The following PSEN2 variants were observed in gnomAD, a reference collection of about 807,000 sequenced individuals.
PSEN2 encodes the protein presenilin 2.
A neutral mutation model predicts 49.1 loss-of-function variants in PSEN2; 32 were observed. That is an observed-to-expected ratio of 0.65 (90% CI 0.49 to 0.88). The LOEUF (loss-of-function observed/expected upper bound fraction) is 0.88, where lower values mean the gene tolerates loss of function less well. Ranked by LOEUF, PSEN2 falls within the 40% of genes least tolerant of loss-of-function variation. PSEN2 has a pLI of 0.00. For missense variants in PSEN2, 522 were observed against 586.9 expected, an observed-to-expected ratio of 0.89 and a Z score of 1.14; for synonymous variants, 255 against 244.0, an observed-to-expected ratio of 1.05 and a Z score of -0.42.
chr1:226,895,684 TA>T lies in PSEN2; in HGVS notation c.*111del. On this transcript the variant is annotated 3_prime_UTR_variant, in exon 13 of 13. Coordinates refer to ENST00000366783, the MANE Select transcript of PSEN2 (RefSeq NM_000447.3). ...TATATTTTTAAGACTTTTCTTTCCT[TA>T]AAAAATAAAGTACGTGTTTACTTGG... 9 of 1,363,806 alleles carry T rather than the reference TA, an allele frequency of 6.6e-6. No homozygotes were observed. Among genetic ancestry groups the T allele is most frequent in the Non-Finnish European group, 9.1e-6 (9 of 990,804 alleles). 84.5% of individuals were successfully genotyped at this position (1,363,806 alleles called of 1,614,324 possible). A position where few individuals can be genotyped will look rare whatever the true frequency, so the allele number is the denominator to read the frequency against.
chr1:226,883,939 GGA>G lies in PSEN2; in HGVS notation c.356+22_356+23del. The stretch of plus-strand genomic sequence containing the variant: ...ACAGCTGTGAGTTGGGGGGCTGGGG[GGA>G]GCAGGGTGGGGTGAGGGCTGAGTTG... On this transcript the variant is annotated intron_variant, in intron 5 of 12. Coordinates refer to ENST00000366783, the MANE Select transcript of PSEN2 (RefSeq NM_000447.3). The G allele has an allele frequency of 6.3e-7, 1 of 1,575,468 alleles. No homozygotes were observed. The highest frequency in any genetic ancestry group is 8.7e-7 in the Non-Finnish European group (1 of 1,150,174).
At position 226,880,391 on chromosome 1, in the gene PSEN2, A is replaced by G. The variant is rs548028652; in HGVS notation, c.-20-1497A>G. On this transcript the variant is annotated intron_variant, in intron 3 of 12. Coordinates refer to ENST00000366783, the MANE Select transcript of PSEN2 (RefSeq NM_000447.3). The stretch of plus-strand genomic sequence containing the variant: ...ACCCTGTCTCTAGAAATAAAAATAA[A>G]AAAAATCACATATATTGTGGGGTGA... The G allele has an allele frequency of 1.0e-5, 8 of 778,592 alleles. No individual in the cohort carries two copies. In the East Asian group the frequency reaches 2.9e-4, roughly 29 times the overall value. 48.2% of individuals were successfully genotyped at this position (778,592 alleles called of 1,614,324 possible). A position where few individuals can be genotyped will look rare whatever the true frequency, so the allele number is the denominator to read the frequency against.
Position 226,888,810 on chromosome 1 carries a change from C to T in PSEN2, c.567-19C>T. 1 of 1,606,094 alleles carries T rather than the reference C, an allele frequency of 6.2e-7. No individual in the cohort carries two copies. The highest frequency in any genetic ancestry group is 8.5e-7 in the Non-Finnish European group (1 of 1,172,590). Reference sequence around the variant, plus strand: ...GCCTCCACTGAGTCCCAGTCACAGGCTCCACCTTGGTCCTGCAGGGAAGTG... The same window carrying T: ...GCCTCCACTGAGTCCCAGTCACAGGTTCCACCTTGGTCCTGCAGGGAAGTG... On this transcript the variant is annotated intron_variant, in intron 7 of 12. Coordinates refer to ENST00000366783, the MANE Select transcript of PSEN2 (RefSeq NM_000447.3).
chr1:226,879,818 G>T (rs1171763140), intron 3 of PSEN2, among the ~76,000 whole-genome samples: 1 of 152,194 alleles, frequency 6.6e-6, no homozygotes, highest in Non-Finnish European at 1.5e-5. Context: ...TCCCGCTGTT[G>T]TTACTCCTGT....
In PSEN2 at chr1:226,894,002, C is replaced by CG; in HGVS notation, c.1073-5_1073-4insG. The CG allele has an allele frequency of 6.2e-7, 1 of 1,611,804 alleles. No homozygotes were observed. Among genetic ancestry groups the CG allele is most frequent in the Non-Finnish European group, 8.5e-7 (1 of 1,177,798 alleles). ...CAGTACGGGTTACTGTCTCTCCTCA[C>CG]ACAGGGGGCGTGAAGCTTGGCCTCG... On this transcript the variant is annotated splice_polypyrimidine_tract_variant and splice_region_variant and intron_variant, in intron 11 of 12. Transcript: ENST00000366783.
Position 226,888,935 on chromosome 1 carries a change from C to G in PSEN2, c.673C>G (p.Leu225Val), listed in dbSNP as rs1412078378. 3 of 1,614,174 alleles carry G rather than the reference C, an allele frequency of 1.9e-6. No individual in the cohort carries two copies. The South Asian group carries it at 3.3e-5, about 18-fold the overall frequency. Residue 225 changes from leucine (L) to valine (V), a missense_variant, in exon 8 of 13, where the codon CTG becomes GTG. Transcript: ENST00000366783. ...GMVCIHWKGP[L>V]VLQQAYLIMI... is the part of the protein sequence containing the mutation. ...GGTGTGCATCCACTGGAAGGGCCCTCTGGTGCTGCAGCAGGCCTACCTCAT... is the reference window on the plus strand; with the variant it reads ...GGTGTGCATCCACTGGAAGGGCCCTGTGGTGCTGCAGCAGGCCTACCTCAT...
chr1:226,894,005 A>C lies in PSEN2; in HGVS notation c.1073-2A>C. 1.2e-6 allele frequency: 2 copies of C among 1,610,814 alleles called. No homozygotes were observed. The highest frequency in any genetic ancestry group is 1.3e-5 in the African/African-American group (1 of 74,954). The stretch of plus-strand genomic sequence containing the variant: ...TACGGGTTACTGTCTCTCCTCACAC[A>C]GGGGGCGTGAAGCTTGGCCTCGGGG... On this transcript the variant is annotated splice_acceptor_variant, in intron 11 of 12. Coordinates refer to ENST00000366783, the MANE Select transcript of PSEN2 (RefSeq NM_000447.3). LOFTEE classifies it high-confidence loss of function.
At chr1:226,887,951 C>A in intron 6 of PSEN2, 140 bp from the exon 7 acceptor site, 8 of 748,216 alleles carry the variant, frequency 1.1e-5, no homozygotes, top group South Asian at 2.9e-5. Flanking sequence ...TGTAAGGTGG[C>A]CACCTGATCC....
Position 226,889,954 on chromosome 1 carries a change from G to A in PSEN2, c.788-81G>A, listed in dbSNP as rs549584436. ...AAGGCATGCTCTGAGAGCTCCACCCGGGGCTCCTGTGCTACAGGGCAGGCT... is the reference window on the plus strand; with the variant it reads ...AAGGCATGCTCTGAGAGCTCCACCCAGGGCTCCTGTGCTACAGGGCAGGCT... On this transcript the variant is annotated intron_variant, in intron 8 of 12. Transcript: ENST00000366783. The A allele has an allele frequency of 1.7e-4, 187 of 1,114,070 alleles. No individual in the cohort carries two copies. The African/African-American group carries it at 2.5e-3, about 15-fold the overall frequency. 69.0% of individuals were successfully genotyped at this position (1,114,070 alleles called of 1,614,324 possible).
intron 3 of PSEN2, among the ~76,000 whole-genome samples, chr1:226,876,534 C>T (rs573064271): frequency 2.6e-5 from 4 of 152,194 alleles, no homozygotes; most frequent in South Asian, 2.1e-4. Flanking sequence ...TTTATTATGG[C>T]GACTTAGAGA....
At chr1:226,881,058 C>A (rs1205784469) in intron 3 of PSEN2, among the ~76,000 whole-genome samples, 2 of 152,200 alleles carry the variant, frequency 1.3e-5, no homozygotes, top group Non-Finnish European at 2.9e-5. Context: ...TTCTCTCCTG[C>A]GTCAGGTCCT....
At chr1:226,895,289 A>G in intron 12 of PSEN2, 135 bp from the exon 13 acceptor site, 1 of 956,594 alleles carries the variant, frequency 1.0e-6, no homozygotes, top group South Asian at 1.4e-5. Context: ...AGGACCAGGG[A>G]AGATAATGGG....
At chr1:226,880,271 G>A (rs530383300) in intron 3 of PSEN2, among the ~76,000 whole-genome samples, 1 of 152,144 alleles carries the variant, frequency 6.6e-6, no homozygotes, top group Admixed American at 6.5e-5. Context: ...TAGCTACTGA[G>A]GAGGCTGAAG....
chr1:226,874,317 T>C (rs1462326709), intron 2 of PSEN2, among the ~76,000 whole-genome samples: 1 of 152,178 alleles, frequency 6.6e-6, no homozygotes, highest in Admixed American at 6.5e-5. Context: ...ACTTGAGTTG[T>C]AACTGTGGCT....
intron 4 of PSEN2, among the ~76,000 whole-genome samples, chr1:226,883,447 T>C (rs976561466): frequency 2.6e-5 from 4 of 152,218 alleles, no homozygotes; most frequent in African/African-American, 7.2e-5. Context: ...ACCATTAAGT[T>C]GATTCATTAA....
chr1:226,880,755 T>TG, intron 3 of PSEN2: 1 of 1,612,586 alleles, frequency 6.2e-7, no homozygotes, highest in South Asian at 1.1e-5. Flanking sequence ...GGTACTACTG[T>TG]GTGAAACCCC....
chr1:226,896,400 G>C (rs1394749336), downstream of PSEN2, among the ~76,000 whole-genome samples: 1 of 152,198 alleles, frequency 6.6e-6, no homozygotes, highest in Non-Finnish European at 1.5e-5. Context: ...AAAACATCCA[G>C]TGGTTCCTTC....
Position 226,894,053 on chromosome 1 carries a change from G to A in PSEN2, c.1119G>A (p.Leu373=), listed in dbSNP as rs1411171265. The part of the protein sequence containing the change: ...GLGDFIFYSV[L]VGKAAATGSG... ...GGGACTTCATCTTCTACAGTGTGCTGGTGGGCAAGGCGGCTGCCACGGGCA... is the reference window on the plus strand; with the variant it reads ...GGGACTTCATCTTCTACAGTGTGCTAGTGGGCAAGGCGGCTGCCACGGGCA... Residue 373 remains leucine (L), a synonymous_variant, in exon 12 of 13, where the codon CTG becomes CTA. Transcript: ENST00000366783. 2 of 1,614,088 alleles carry A rather than the reference G, an allele frequency of 1.2e-6. No homozygotes were observed. The highest frequency in any genetic ancestry group is 4.5e-5 in the East Asian group (2 of 44,898).
intron 5 of PSEN2, 57 bp from the exon 6 acceptor site, chr1:226,885,481 G>A: frequency 2.5e-6 from 4 of 1,594,110 alleles, no homozygotes; most frequent in East Asian, 2.3e-5. Flanking sequence ...ACTCAAGGTG[G>A]GGAGCCTCGA....
Sources: gnomAD v4.1 joint callset for allele counts (sites outside exome capture counted in the v4.1 genomes callset) on GRCh38, gnomAD v4.1.1 for gene constraint, MANE v1.5 for transcripts, NCBI Gene and HGNC (gene_info 2026-07-23, HGNC 2026-07-21) for gene names.